The following OR6N1 variants were observed in gnomAD, a reference collection of about 807,000 sequenced individuals.
OR6N1 encodes the protein olfactory receptor family 6 subfamily N member 1.
For synonymous variants in OR6N1, 170 were observed against 150.7 expected (o/e 1.13, Z -0.94); for missense variants, 394 against 371.7 (o/e 1.06, Z -0.49).
the OR6N1 span, among the ~76,000 whole-genome samples, chr1:158,838,426 G>T: frequency 6.6e-6 from 1 of 151,998 alleles, no homozygotes; most frequent in Non-Finnish European, 1.5e-5. Flanking sequence ...GGTCTACAAA[G>T]TATTTGCTGA....
At chr1:158,768,597 C>A (rs1321887931) in intron 1 of OR6N1, among the ~76,000 whole-genome samples, 1 of 152,216 alleles carries the variant, frequency 6.6e-6, no homozygotes, top group East Asian at 1.9e-4. Context: ...CAGAGTGATC[C>A]TGTTAAATTC....
At chr1:158,800,064 C>A in the OR6N1 span, among the ~76,000 whole-genome samples, 1 of 152,014 alleles carries the variant, frequency 6.6e-6, no homozygotes, top group Non-Finnish European at 1.5e-5. Flanking sequence ...TTCTAAGTTG[C>A]CATGTAACCT....
At chr1:158,839,227 C>T in the OR6N1 span, among the ~76,000 whole-genome samples, 1 of 152,144 alleles carries the variant, frequency 6.6e-6, no homozygotes, top group South Asian at 2.1e-4. Flanking sequence ...CAGGGGAGGA[C>T]TTTCACTCTT....
At chr1:158,812,509 C>T in the OR6N1 span, among the ~76,000 whole-genome samples, 1 of 152,130 alleles carries the variant, frequency 6.6e-6, no homozygotes, top group Admixed American at 6.5e-5. Flanking sequence ...GGCCTTCTGC[C>T]TCTATCAAGA....
the OR6N1 span, among the ~76,000 whole-genome samples, chr1:158,836,622 G>A: frequency 1.5e-4 from 22 of 151,586 alleles, no homozygotes; most frequent in Admixed American, 7.9e-4. Context: ...TTTCTTCTAT[G>A]TCAATTCAGT....
the OR6N1 span, among the ~76,000 whole-genome samples, chr1:158,837,843 A>ATTTT: frequency 0.17 from 26,204 of 150,248 alleles, 2,466 homozygotes; most frequent in Admixed American, 0.26. Flanking sequence ...GTAGTGAAAC[A>ATTTT]TTTTTATGTT....
chr1:158,768,755 C>T (rs1657341243), intron 1 of OR6N1, among the ~76,000 whole-genome samples: 1 of 152,214 alleles, frequency 6.6e-6, no homozygotes, highest in African/African-American at 2.4e-5. Context: ...ATTTCACCAG[C>T]TCAACTACCT....
chr1:158,827,506 T>TTG, the OR6N1 span, among the ~76,000 whole-genome samples: 1 of 152,164 alleles, frequency 6.6e-6, no homozygotes, highest in Admixed American at 6.5e-5. Flanking sequence ...GAAGGGAGCA[T>TTG]TGTGTGAGCA....
chr1:158,787,416 A>G, the OR6N1 span, among the ~76,000 whole-genome samples: 1 of 152,152 alleles, frequency 6.6e-6, no homozygotes, highest in Admixed American at 6.5e-5. Flanking sequence ...CACTGTCACA[A>G]CTACTAAGCT....
chr1:158,770,377 C>T lies in OR6N1; in HGVS notation c.-19+1644G>A, dbSNP rs149482562. ...AAACTAGCACCCCCAACTCCCTCAT[C>T]TTCCAAGTTCACAGTTCTCAGAGGT... On this transcript the variant is annotated intron_variant, in intron 1 of 1. Transcript: ENST00000641846. 5.8e-3 allele frequency among the ~76,000 whole-genome samples: 888 copies of T among 152,304 alleles called. 7 individuals are homozygous for T. Among genetic ancestry groups the T allele is most frequent in the Non-Finnish European group, 6.8e-3 (463 of 68,030 alleles).
rs1264093017 is a variant in OR6N1, at chr1:158,772,138, A to G, written c.-136T>C. The G allele has an allele frequency of 6.6e-6, 1 of 152,236 alleles. No homozygotes were observed. The highest frequency in any genetic ancestry group is 1.5e-5 in the Non-Finnish European group (1 of 68,058). The allele number at this position is 152,236 out of a possible 1,614,324, so 9.4% of individuals were successfully genotyped here. On this transcript the variant is annotated 5_prime_UTR_variant, in exon 1 of 2. Coordinates refer to ENST00000641846, the MANE Select transcript of OR6N1 (RefSeq NM_001005185.2). Reference sequence around the variant, plus strand: ...ATACTTCCTATGTCTCATTTGCAGTATTATACCCAGCCATTCCCGGGGCCT... The same window carrying G: ...ATACTTCCTATGTCTCATTTGCAGTGTTATACCCAGCCATTCCCGGGGCCT...
chr1:158,823,608 T>C, the OR6N1 span, among the ~76,000 whole-genome samples: 4 of 152,214 alleles, frequency 2.6e-5, no homozygotes, highest in African/African-American at 9.6e-5. Context: ...TCTTTTTTTC[T>C]TTATTGATCT....
chr1:158,805,695 G>A, the OR6N1 span, among the ~76,000 whole-genome samples: 2 of 152,190 alleles, frequency 1.3e-5, no homozygotes, highest in African/African-American at 4.8e-5. Flanking sequence ...AGTACAGAAT[G>A]AAAGGCAAGG....
At chr1:158,807,451 C>G in the OR6N1 span, among the ~76,000 whole-genome samples, 3 of 152,208 alleles carry the variant, frequency 2.0e-5, no homozygotes, top group South Asian at 6.2e-4. Flanking sequence ...GGTACTTGGC[C>G]CCCAGTTCAG....
chr1:158,777,672 G>A, the OR6N1 span: 3 of 1,355,206 alleles, frequency 2.2e-6, no homozygotes, highest in Admixed American at 1.9e-5. Flanking sequence ...AGAAAACATT[G>A]GATTGAGATG....
chr1:158,832,317 C>T, the OR6N1 span, among the ~76,000 whole-genome samples: 3 of 151,780 alleles, frequency 2.0e-5, no homozygotes, highest in Non-Finnish European at 4.4e-5. Context: ...ATTCCAAATT[C>T]TATTTAAGTA....
the OR6N1 span, among the ~76,000 whole-genome samples, chr1:158,803,123 A>G: frequency 6.6e-6 from 1 of 152,226 alleles, no homozygotes; most frequent in Non-Finnish European, 1.5e-5. Context: ...TAAAAAGATT[A>G]ACAAGTAAAT....
the OR6N1 span, among the ~76,000 whole-genome samples, chr1:158,793,384 C>T: frequency 6.6e-6 from 1 of 151,982 alleles, no homozygotes; most frequent in African/African-American, 2.4e-5. Flanking sequence ...TTCTGGGTTC[C>T]TTCACATTTT....
chr1:158,777,040 T>C (rs147929171), upstream of OR6N1: 1 of 1,613,900 alleles, frequency 6.2e-7, no homozygotes, highest in African/African-American at 1.3e-5. Flanking sequence ...AATGGCAAAG[T>C]CCACCAGAAT....
Sources: gnomAD v4.1 joint callset for allele counts (sites outside exome capture counted in the v4.1 genomes callset) on GRCh38, gnomAD v4.1.1 for gene constraint, MANE v1.5 for transcripts, NCBI Gene and HGNC (gene_info 2026-07-23, HGNC 2026-07-21) for gene names.